The following VWC2L variants were observed in gnomAD, a reference collection of about 807,000 sequenced individuals.
VWC2L encodes von Willebrand factor C domain containing 2 like, also known as von Willebrand factor C domain-containing protein 2-like.
A neutral mutation model predicts 21.6 loss-of-function variants in VWC2L; 10 were observed. The observed-to-expected ratio is 0.46, with a 90% confidence interval of 0.29 to 0.78. The LOEUF (loss-of-function observed/expected upper bound fraction) is 0.78. Ranked by LOEUF, VWC2L falls within the 30% of genes least tolerant of loss-of-function variation. VWC2L has a pLI of 0.10. For missense variants in VWC2L, 209 were observed against 277.1 expected (o/e 0.75, Z 1.74); for synonymous variants, 96 against 94.3 (o/e 1.02, Z -0.10).
chr2:214,431,552 G>A (rs1041958809), intron 2 of VWC2L, among the ~76,000 whole-genome samples: 20 of 152,222 alleles, frequency 1.3e-4, no homozygotes, highest in African/African-American at 2.4e-4. Context: ...ATCTATTTGC[G>A]TATCCGTCCC....
intron 3 of VWC2L, among the ~76,000 whole-genome samples, chr2:214,455,926 CTTTA>C (rs1325081493): frequency 1.3e-5 from 2 of 152,054 alleles, no homozygotes; most frequent in Non-Finnish European, 2.9e-5. Flanking sequence ...ACCACATTTT[CTTTA>C]TTCATTCATT....
chr2:214,460,380 T>G (rs1432424180), intron 3 of VWC2L, among the ~76,000 whole-genome samples: 2 of 152,214 alleles, frequency 1.3e-5, no homozygotes, highest in Non-Finnish European at 2.9e-5. Context: ...CTTCACGTTC[T>G]AGAACACCCA....
intron 2 of VWC2L, among the ~76,000 whole-genome samples, chr2:214,427,685 G>A (rs1012658685): frequency 1.5e-4 from 23 of 152,018 alleles, no homozygotes; most frequent in African/African-American, 5.1e-4. Flanking sequence ...ACCAAAATCT[G>A]CAAATACTCT....
intron 3 of VWC2L, among the ~76,000 whole-genome samples, chr2:214,468,346 A>G (rs1353091841): frequency 6.6e-6 from 1 of 152,210 alleles, no homozygotes; most frequent in Non-Finnish European, 1.5e-5. Flanking sequence ...CCTTTTATGT[A>G]TATGAGGAAA....
At chr2:214,419,989 G>A (rs1702412359) in intron 2 of VWC2L, among the ~76,000 whole-genome samples, 1 of 152,116 alleles carries the variant, frequency 6.6e-6, no homozygotes, top group Admixed American at 6.5e-5. Flanking sequence ...AACCTGGGAG[G>A]TGGAGGCTGC....
chr2:214,451,778 A>G (rs566773576), intron 3 of VWC2L, among the ~76,000 whole-genome samples: 5 of 152,326 alleles, frequency 3.3e-5, no homozygotes, highest in South Asian at 4.1e-4. Context: ...GCTTGTTTCA[A>G]GTAACATATT....
rs750971146 is a variant in VWC2L at position 214,414,239 on chromosome 2, C to T, written c.46C>T (p.Pro16Ser). The T allele has an allele frequency of 1.6e-5, 26 of 1,613,464 alleles. No individual in the cohort carries two copies. Among genetic ancestry groups the T allele is most frequent in the Non-Finnish European group, 2.0e-5 (24 of 1,179,768 alleles). Residue 16 changes from proline (P) to serine (S), a missense_variant, in exon 2 of 4, where the codon CCT (proline) becomes TCT (serine). Coordinates refer to ENST00000312504, the MANE Select transcript of VWC2L (RefSeq NM_001080500.4). ...HEACILLLVI[P>S]GLVTSAAISH... ...AGCTTGCATACTTCTGTTGGTCATC[C>T]CTGGATTGGTCACCTCTGCTGCTAT...
At position 214,557,474 on chromosome 2, in the gene VWC2L, C is replaced by T. The variant is rs556633288; in HGVS notation, c.521-18198C>T. Among the ~76,000 whole-genome samples, 6 of 152,238 alleles carry T rather than the reference C, an allele frequency of 3.9e-5. No individual in the cohort carries two copies. The East Asian group carries it at 5.8e-4, about 15-fold the overall frequency. ...ACACAGCCAAACCATATCAGATGCT[C>T]TTCCACAATATTGCTGAGCTCTGAT... is the stretch of plus-strand genomic sequence containing the variant. On this transcript the variant is annotated intron_variant, in intron 3 of 3. Coordinates refer to ENST00000312504, the MANE Select transcript of VWC2L (RefSeq NM_001080500.4).
chr2:214,460,991 A>T lies in VWC2L; in HGVS notation c.520+24233A>T, dbSNP rs1017246562. Among the ~76,000 whole-genome samples, 6 of 152,196 alleles carry T rather than the reference A, an allele frequency of 3.9e-5. No individual in the cohort carries two copies. The East Asian group carries it at 1.2e-3, about 29-fold the overall frequency. On this transcript the variant is annotated intron_variant, in intron 3 of 3. Transcript: ENST00000312504. The stretch of plus-strand genomic sequence containing the variant: ...AGTTTTGATTCTGGGTGCATGCAAT[A>T]GTCTAGTATCCATATGATTTCTTTA...
intron 3 of VWC2L, among the ~76,000 whole-genome samples, chr2:214,532,830 C>G (rs1283586874): frequency 6.6e-6 from 1 of 152,026 alleles, no homozygotes; most frequent in Non-Finnish European, 1.5e-5. Flanking sequence ...CCAGCTGAGT[C>G]TTTGCTGCCT....
At position 214,448,393 on chromosome 2, in the gene VWC2L, A is replaced by C. The variant is rs547428994; in HGVS notation, c.520+11635A>C. Among the ~76,000 whole-genome samples, 6 of 152,340 alleles carry C rather than the reference A, an allele frequency of 3.9e-5. No homozygotes were observed. The South Asian group carries it at 1.2e-3, about 32-fold the overall frequency. On this transcript the variant is annotated intron_variant, in intron 3 of 3. Coordinates refer to ENST00000312504, the MANE Select transcript of VWC2L (RefSeq NM_001080500.4). ...TATGTTTTCTATTTCATACAGAATA[A>C]CTTTCACATGGAGAGTCTAGGATGC...
At chr2:214,414,993 T>C (rs1458796133) in intron 2 of VWC2L, 1 of 193,090 alleles carries the variant, frequency 5.2e-6, no homozygotes, top group Non-Finnish European at 1.0e-5. Context: ...TTTAACAATA[T>C]AGTCTAGAAT....
intron 3 of VWC2L, among the ~76,000 whole-genome samples, chr2:214,510,630 C>T (rs897557231): frequency 2.0e-5 from 3 of 152,220 alleles, no homozygotes; most frequent in Admixed American, 1.3e-4. Flanking sequence ...TCATTTTAAA[C>T]TTAGGACTTC....
intron 2 of VWC2L, among the ~76,000 whole-genome samples, chr2:214,430,841 T>C (rs1702590776): frequency 6.6e-6 from 1 of 152,202 alleles, no homozygotes; most frequent in African/African-American, 2.4e-5. Flanking sequence ...ACTCTGTGCA[T>C]CTGCTTTTTT....
At chr2:214,439,959 A>T (rs1194655179) in intron 3 of VWC2L, among the ~76,000 whole-genome samples, 4 of 151,926 alleles carry the variant, frequency 2.6e-5, no homozygotes, top group African/African-American at 9.7e-5. Flanking sequence ...CAATGGTACC[A>T]TGTCTTTATT....
At chr2:214,413,684 A>G (rs1702311420) in intron 1 of VWC2L, among the ~76,000 whole-genome samples, 1 of 152,120 alleles carries the variant, frequency 6.6e-6, no homozygotes, top group African/African-American at 2.4e-5. Flanking sequence ...TTTTCTCACT[A>G]ATCTCTTGAG....
chr2:214,522,307 G>A (rs1257288396), intron 3 of VWC2L, among the ~76,000 whole-genome samples: 2 of 149,988 alleles, frequency 1.3e-5, no homozygotes, highest in Non-Finnish European at 3.0e-5. Flanking sequence ...CCCGGGAGGC[G>A]GAGCTTGCAG....
At chr2:214,551,440 G>A (rs924810042) in intron 3 of VWC2L, among the ~76,000 whole-genome samples, 3 of 152,194 alleles carry the variant, frequency 2.0e-5, no homozygotes, top group African/African-American at 7.2e-5. Context: ...GTGACTAGGG[G>A]AAGGAAGAAA....
At chr2:214,562,294 C>T (rs1689988411) in intron 3 of VWC2L, among the ~76,000 whole-genome samples, 1 of 152,134 alleles carries the variant, frequency 6.6e-6, no homozygotes, top group South Asian at 2.1e-4. Context: ...GCTTCCAGCT[C>T]TATCCATCTC....
Sources: gnomAD v4.1 joint callset for allele counts (sites outside exome capture counted in the v4.1 genomes callset) on GRCh38, gnomAD v4.1.1 for gene constraint, MANE v1.5 for transcripts, NCBI Gene and HGNC (gene_info 2026-07-23, HGNC 2026-07-21) for gene names.